RBFOX1: variants seen among roughly 807,000 people sequenced by gnomAD.
RBFOX1 encodes RNA binding protein fox-1 homolog 1.
A neutral mutation model predicts 57.7 loss-of-function variants in RBFOX1; 8 were observed. That is an observed-to-expected ratio of 0.14 (90% CI 0.08 to 0.25). RBFOX1 has a LOEUF of 0.25. Ranked by LOEUF, RBFOX1 falls within the 10% of genes least tolerant of loss-of-function variation. The probability of loss-of-function intolerance (pLI) is 1.00; values close to 1 mark genes in which losing one functional copy is unlikely to be tolerated. For synonymous variants in RBFOX1, 326 were observed against 222.4 expected, an observed-to-expected ratio of 1.47 and a Z score of -4.15; for missense variants, 611 against 548.5, an observed-to-expected ratio of 1.11 and a Z score of -1.14.
At chr16:6,819,731 A>G (rs1385113111) in intron 3 of RBFOX1, among the ~76,000 whole-genome samples, 1 of 82,792 alleles carries the variant, frequency 1.2e-5, no homozygotes, top group African/African-American at 4.6e-5. Flanking sequence ...AAAAAAAAAA[A>G]TAACAACACC....
chr16:6,999,342 C>T (rs1393581554), intron 3 of RBFOX1, among the ~76,000 whole-genome samples: 2 of 151,108 alleles, frequency 1.3e-5, no homozygotes, highest in African/African-American at 4.9e-5. Flanking sequence ...CAGGCATGAG[C>T]CGTTGTGCCT....
At chr16:5,345,990 A>G (rs1340806538) in intron 1 of RBFOX1, among the ~76,000 whole-genome samples, 1 of 152,132 alleles carries the variant, frequency 6.6e-6, no homozygotes, top group Non-Finnish European at 1.5e-5. Context: ...TGCTCATGGA[A>G]TAACATGGTG....
At chr16:6,688,946 G>C (rs1227449239) in intron 3 of RBFOX1, among the ~76,000 whole-genome samples, 1 of 151,372 alleles carries the variant, frequency 6.6e-6, no homozygotes, top group Non-Finnish European at 1.5e-5. Flanking sequence ...CTTCGTCCAT[G>C]TCCCTGCGAA....
intron 1 of RBFOX1, among the ~76,000 whole-genome samples, chr16:5,243,006 T>TG (rs2062206221): frequency 2.7e-5 from 1 of 36,538 alleles, no homozygotes; most frequent in African/African-American, 1.1e-4. Flanking sequence ...GGGTGGAGGG[T>TG]GGGGGGCATT....
chr16:6,491,194 A>ATAAACTATATATAGATATATAGT lies in RBFOX1; in HGVS notation c.-63-163395_-63-163373dup, dbSNP rs570052400. Among the ~76,000 whole-genome samples the ATAAACTATATATAGATATATAGT allele has an allele frequency of 2.7e-3, 403 of 151,972 alleles. 8 individuals carry two copies. The East Asian group carries it at 0.058, about 22-fold the overall frequency. On this transcript the variant is annotated intron_variant, in intron 2 of 15. Coordinates refer to ENST00000550418, the MANE Select transcript of RBFOX1 (RefSeq NM_018723.4). ...GTCTATAGTCTATTTATATGTACAT[A>ATAAACTATATATAGATATATAGT]TAAACTATATATAGATATATAGTTA...
At chr16:5,308,633 T>A (rs917594703) in intron 1 of RBFOX1, among the ~76,000 whole-genome samples, 1 of 152,208 alleles carries the variant, frequency 6.6e-6, no homozygotes, top group African/African-American at 2.4e-5. Flanking sequence ...TATATTATTT[T>A]GGCTATGTAA....
chr16:7,197,986 TTTTC>T (rs1208024501), intron 4 of RBFOX1, among the ~76,000 whole-genome samples: 3 of 120,372 alleles, frequency 2.5e-5, no homozygotes, highest in Admixed American at 9.0e-5. Context: ...TACCTTGTGG[TTTTC>T]TTTCTTTCTT....
chr16:6,226,900 G>A (rs1229341527), intron 1 of RBFOX1, among the ~76,000 whole-genome samples: 2 of 150,050 alleles, frequency 1.3e-5, no homozygotes, highest in Non-Finnish European at 3.0e-5. Flanking sequence ...CCTGAGCTCA[G>A]GAGTTTGAGA....
intron 12 of RBFOX1, among the ~76,000 whole-genome samples, chr16:7,660,298 C>G (rs2067386599): frequency 6.6e-6 from 1 of 152,192 alleles, no homozygotes; most frequent in Admixed American, 6.5e-5. Context: ...ATGTGATTGA[C>G]AAACAATACA....
intron 3 of RBFOX1, among the ~76,000 whole-genome samples, chr16:6,965,189 G>T (rs1315968022): frequency 6.6e-6 from 1 of 152,128 alleles, no homozygotes; most frequent in African/African-American, 2.4e-5. Flanking sequence ...GATTCTGGGA[G>T]AGGTGGGTGG....
chr16:5,480,379 TAAA>T (rs61654524), intron 2 of RBFOX1, among the ~76,000 whole-genome samples: 3 of 148,772 alleles, frequency 2.0e-5, no homozygotes, highest in African/African-American at 7.5e-5. Context: ...ATAGATTATT[TAAA>T]AAAAAAAACC....
intron 1 of RBFOX1, among the ~76,000 whole-genome samples, chr16:6,084,529 C>G (rs1031716049): frequency 5.3e-5 from 8 of 152,176 alleles, no homozygotes; most frequent in East Asian, 1.9e-4. Flanking sequence ...CAGACAAAAA[C>G]CACTGCACCT....
At chr16:6,141,846 G>A (rs71392462) in intron 1 of RBFOX1, among the ~76,000 whole-genome samples, 4 of 151,774 alleles carry the variant, frequency 2.6e-5, no homozygotes, top group African/African-American at 9.7e-5. Flanking sequence ...AACACTTGAG[G>A]TCAGGAGTTC....
intron 2 of RBFOX1, among the ~76,000 whole-genome samples, chr16:5,589,709 C>G (rs1463130195): frequency 1.3e-5 from 2 of 152,112 alleles, no homozygotes; most frequent in African/African-American, 4.8e-5. Flanking sequence ...TTACCTAGTC[C>G]TCATTTTAAG....
intron 4 of RBFOX1, among the ~76,000 whole-genome samples, chr16:7,431,659 T>C (rs1286091160): frequency 6.6e-6 from 1 of 152,246 alleles, no homozygotes; most frequent in Non-Finnish European, 1.5e-5. Flanking sequence ...AACATTTTTA[T>C]TACTTCAAAA....
chr16:5,999,579 C>A (rs913395617), intron 4 of RBFOX1, among the ~76,000 whole-genome samples: 1 of 152,124 alleles, frequency 6.6e-6, no homozygotes, highest in African/African-American at 2.4e-5. Flanking sequence ...CCGCTGGGTG[C>A]GGCTGGGCTT....
intron 1 of RBFOX1, among the ~76,000 whole-genome samples, chr16:5,269,600 A>C (rs1227265239): frequency 1.3e-5 from 2 of 152,250 alleles, no homozygotes; most frequent in East Asian, 1.9e-4. Context: ...ATGAAAGATC[A>C]CATTCTACAT....
At chr16:6,701,786 T>C (rs1244927714) in intron 3 of RBFOX1, among the ~76,000 whole-genome samples, 1 of 152,112 alleles carries the variant, frequency 6.6e-6, no homozygotes, top group Non-Finnish European at 1.5e-5. Context: ...AAGAATGAAA[T>C]CGTGTCCTTT....
At chr16:5,698,617 A>T (rs1390433557) in intron 3 of RBFOX1, among the ~76,000 whole-genome samples, 1 of 152,208 alleles carries the variant, frequency 6.6e-6, no homozygotes, top group East Asian at 1.9e-4. Flanking sequence ...AAAGATTTAA[A>T]AACAGGTGTT....
Sources: gnomAD v4.1 joint callset for allele counts (sites outside exome capture counted in the v4.1 genomes callset) on GRCh38, gnomAD v4.1.1 for gene constraint, MANE v1.5 for transcripts, NCBI Gene and HGNC (gene_info 2026-07-23, HGNC 2026-07-21) for gene names.